The following KPNA3 variants were observed in gnomAD, a reference collection of about 807,000 sequenced individuals.
KPNA3 encodes the protein importin subunit alpha-4.
In KPNA3, 13 loss-of-function variants were observed where a neutral mutation model predicts 73.8. The observed-to-expected ratio is 0.18, with a 90% CI of 0.11 to 0.28. KPNA3 has a LOEUF of 0.28. Ranked by LOEUF, KPNA3 falls within the 10% of genes least tolerant of loss-of-function variation. KPNA3 has a pLI of 1.00. For missense variants in KPNA3, 360 were observed against 618.1 expected (o/e 0.58, Z 4.43); for synonymous variants, 186 against 206.9 (o/e 0.90, Z 0.87).
rs1162098116 is a variant in KPNA3, at chr13:49,751,571, C to CA, written c.70-4579dup. 1.2e-4 allele frequency among the ~76,000 whole-genome samples: 18 copies of CA among 152,194 alleles called. No individual in the cohort carries two copies. In the East Asian group the frequency reaches 3.3e-3, roughly 28 times the overall value. On this transcript the variant is annotated intron_variant, in intron 1 of 16. Transcript: ENST00000261667. Reference sequence around the variant, plus strand: ...ATCTCTTGGCATCCCCTGCCCCACACAAAAAATGTCATCAGAATAGCCAAA... The same window carrying CA: ...ATCTCTTGGCATCCCCTGCCCCACACAAAAAAATGTCATCAGAATAGCCAAA...
At chr13:49,784,675 T>C (rs1566363103) in intron 1 of KPNA3, among the ~76,000 whole-genome samples, 1 of 152,072 alleles carries the variant, frequency 6.6e-6, no homozygotes, top group Non-Finnish European at 1.5e-5. Flanking sequence ...AAGCTTGGAG[T>C]TGATTTGGGA....
chr13:49,791,363 T>C (rs965835828), intron 1 of KPNA3, among the ~76,000 whole-genome samples: 5 of 152,184 alleles, frequency 3.3e-5, no homozygotes, highest in African/African-American at 1.2e-4. Context: ...AAGGTCACGG[T>C]CCCAGTGAAG....
intron 7 of KPNA3, among the ~76,000 whole-genome samples, chr13:49,723,544 G>A (rs1954379678): frequency 6.7e-6 from 1 of 150,340 alleles, no homozygotes; most frequent in Non-Finnish European, 1.5e-5. Flanking sequence ...ACTCCAGCCT[G>A]GGTGACAGAG....
At chr13:49,727,938 T>C (rs1174797898) in intron 6 of KPNA3, among the ~76,000 whole-genome samples, 1 of 152,138 alleles carries the variant, frequency 6.6e-6, no homozygotes, top group Non-Finnish European at 1.5e-5. Context: ...TAACTCCTTT[T>C]AAGAAGGGAC....
At chr13:49,783,093 C>A (rs957614037) in intron 1 of KPNA3, among the ~76,000 whole-genome samples, 9 of 151,986 alleles carry the variant, frequency 5.9e-5, no homozygotes, top group East Asian at 3.9e-4. Context: ...AATTTAACAA[C>A]CTGAAGGCAT....
chr13:49,758,705 T>C (rs746467530), intron 1 of KPNA3, among the ~76,000 whole-genome samples: 8 of 152,112 alleles, frequency 5.3e-5, no homozygotes, highest in Non-Finnish European at 1.0e-4. Context: ...TGTTTATGTG[T>C]GTATGTATGT....
intron 1 of KPNA3, among the ~76,000 whole-genome samples, chr13:49,771,559 C>A (rs541393112): frequency 1.3e-4 from 20 of 152,310 alleles, no homozygotes; most frequent in African/African-American, 4.8e-4. Flanking sequence ...CAGCTCAAGG[C>A]TCCCTCCTCT....
At chr13:49,755,328 T>C (rs1374277649) in intron 1 of KPNA3, among the ~76,000 whole-genome samples, 1 of 151,578 alleles carries the variant, frequency 6.6e-6, no homozygotes, top group East Asian at 1.9e-4. Flanking sequence ...CTCAGAAAAA[T>C]AAAAGCCTAG....
Position 49,792,521 on chromosome 13 carries a change from C to CCGGCGGCGGCTACTCCTGCGGCTG in KPNA3, c.-39_-16dup, listed in dbSNP as rs1348929908. 15,737 of 1,533,756 alleles carry CCGGCGGCGGCTACTCCTGCGGCTG rather than the reference C, an allele frequency of 0.01. 226 individuals are homozygous for CCGGCGGCGGCTACTCCTGCGGCTG. The highest frequency in any genetic ancestry group is 0.011 in the Non-Finnish European group (13,051 of 1,137,228). Reference sequence around the variant, plus strand: ...TTCTCGGCCATGGCTGCGCGCGGCTCCGGCGGCGGCTACTCCTGCGGCTGC... The same window carrying CCGGCGGCGGCTACTCCTGCGGCTG: ...TTCTCGGCCATGGCTGCGCGCGGCTCCGGCGGCGGCTACTCCTGCGGCTGCGGCGGCGGCTACTCCTGCGGCTGC... On this transcript the variant is annotated 5_prime_UTR_variant, in exon 1 of 17. Transcript: ENST00000261667.
chr13:49,772,342 T>C (rs946423359), intron 1 of KPNA3, among the ~76,000 whole-genome samples: 4 of 152,174 alleles, frequency 2.6e-5, no homozygotes, highest in Non-Finnish European at 4.4e-5. Flanking sequence ...ATGTGAAGAA[T>C]GCAAAATAAA....
At position 49,704,966 on chromosome 13, in the gene KPNA3, C is replaced by A. The variant is rs904579732; in HGVS notation, c.1372+655G>T. Among the ~76,000 whole-genome samples the A allele has an allele frequency of 2.0e-5, 3 of 152,088 alleles. No individual in the cohort carries two copies. The South Asian group carries it at 6.2e-4, about 32-fold the overall frequency. On this transcript the variant is annotated intron_variant, in intron 15 of 16. Transcript: ENST00000261667. ...TCATTGTTAAGAAGTTTAAGAAATG[C>A]TGGATTAAATAAAGCTTTAAAATTT...
chr13:49,716,016 T>TC (rs397816750), intron 10 of KPNA3, among the ~76,000 whole-genome samples: 3 of 151,866 alleles, frequency 2.0e-5, no homozygotes, highest in Non-Finnish European at 2.9e-5. Flanking sequence ...TATTTTTTTT[T>TC]CTAACTAATA....
At chr13:49,702,365 G>A (rs959128826) in intron 16 of KPNA3, 21 bp downstream of exon 16, 18 of 1,169,392 alleles carry the variant, frequency 1.5e-5, no homozygotes, top group Admixed American at 3.9e-5. Flanking sequence ...GAAGATACAC[G>A]CTATTTTAAT....
rs1954153870 is a variant in KPNA3 at position 49,702,087 on chromosome 13, A to G, written c.1468-189T>C. 2.0e-5 allele frequency among the ~76,000 whole-genome samples: 3 copies of G among 152,188 alleles called. No individual in the cohort carries two copies. The South Asian group carries it at 6.2e-4, about 32-fold the overall frequency. ...AAAATTTAACACGTTTCGAAACTGC[A>G]TTGTTAAGTTTCTGTATCTGGGACC... On this transcript the variant is annotated intron_variant, in intron 16 of 16. Coordinates refer to ENST00000261667, the MANE Select transcript of KPNA3 (RefSeq NM_002267.4).
intron 2 of KPNA3, among the ~76,000 whole-genome samples, chr13:49,738,523 T>A (rs888175284): frequency 6.6e-6 from 1 of 152,258 alleles, no homozygotes; most frequent in African/African-American, 2.4e-5. Flanking sequence ...TCTTGTTTCA[T>A]GTCTTTCACC....
intron 1 of KPNA3, among the ~76,000 whole-genome samples, chr13:49,762,136 C>A (rs1954770030): frequency 8.6e-6 from 1 of 116,000 alleles, no homozygotes; most frequent in African/African-American, 4.1e-5. Flanking sequence ...GGCCAGCCTC[C>A]CCGTCCGGGA....
chr13:49,766,591 T>G lies in KPNA3; in HGVS notation c.70-19598A>C, dbSNP rs11841547. Among the ~76,000 whole-genome samples the G allele has an allele frequency of 3.3e-5, 5 of 152,290 alleles. No homozygotes were observed. The East Asian group carries it at 7.7e-4, about 23-fold the overall frequency. ...TAACTTAGAATCTAAATAGCAGAAATTATATTAAATTTGCTATTTGAATGG... is the reference window on the plus strand; with the variant it reads ...TAACTTAGAATCTAAATAGCAGAAAGTATATTAAATTTGCTATTTGAATGG... On this transcript the variant is annotated intron_variant, in intron 1 of 16. Coordinates refer to ENST00000261667, the MANE Select transcript of KPNA3 (RefSeq NM_002267.4).
Position 49,713,669 on chromosome 13 carries a change from AC to A in KPNA3, c.772-2648del, listed in dbSNP as rs1566334936. 3.2e-4 allele frequency among the ~76,000 whole-genome samples: 49 copies of A among 151,532 alleles called. No individual in the cohort carries two copies. The East Asian group carries it at 4.1e-3, about 13-fold the overall frequency. On this transcript the variant is annotated intron_variant, in intron 10 of 16. Coordinates refer to ENST00000261667, the MANE Select transcript of KPNA3 (RefSeq NM_002267.4). ...CACACACACACACACACACACACAC[AC>A]ACACAAAACAGAAAAACCCAACAAC...
intron 10 of KPNA3, among the ~76,000 whole-genome samples, chr13:49,715,197 A>C (rs747669120): frequency 1.5e-4 from 23 of 152,262 alleles, no homozygotes; most frequent in South Asian, 4.1e-4. Context: ...TTGATTATAT[A>C]CAAAAAGTTC....
Sources: allele counts gnomAD v4.1 joint callset (sites outside exome capture counted in the v4.1 genomes callset), GRCh38; gene constraint gnomAD v4.1.1; transcripts MANE v1.5; gene names NCBI Gene and HGNC (gene_info 2026-07-23, HGNC 2026-07-21).